VMP1: variants seen among roughly 807,000 people sequenced by gnomAD.
VMP1 encodes the protein vacuole membrane protein 1.
Under a neutral mutation model 56.0 loss-of-function variants are expected in VMP1, and 11 were observed. That is an observed-to-expected ratio of 0.20 (90% CI 0.12 to 0.32). The LOEUF is 0.32. VMP1 is among the 10% of genes least tolerant of loss of function. The pLI is 1.00. For missense variants in VMP1, 296 were observed against 490.3 expected, an observed-to-expected ratio of 0.60 and a Z score of 3.74; for synonymous variants, 149 against 165.0, an observed-to-expected ratio of 0.90 and a Z score of 0.74.
At chr17:59,732,740 C>A (rs2034879339) in intron 2 of VMP1, among the ~76,000 whole-genome samples, 1 of 152,170 alleles carries the variant, frequency 6.6e-6, no homozygotes, top group Non-Finnish European at 1.5e-5. Flanking sequence ...TTTTAGAGAG[C>A]ACATACATTT....
intron 7 of VMP1, among the ~76,000 whole-genome samples, chr17:59,801,460 C>T (rs2037661297): frequency 6.6e-6 from 1 of 151,754 alleles, no homozygotes. Flanking sequence ...CCTTATGTTA[C>T]CCAGGCTGCT....
At chr17:59,735,205 A>G in intron 2 of VMP1, 133 bp from the exon 3 acceptor site, 1 of 1,245,902 alleles carries the variant, frequency 8.0e-7, no homozygotes, top group Admixed American at 2.8e-5. Flanking sequence ...ACTAGTTGCC[A>G]TTTTTCACAA....
chr17:59,750,554 G>A (rs1469646680), intron 5 of VMP1, among the ~76,000 whole-genome samples: 1 of 151,876 alleles, frequency 6.6e-6, no homozygotes, highest in Non-Finnish European at 1.5e-5. Context: ...CACCCACCTC[G>A]GCCTCCCAAA....
intron 9 of VMP1, among the ~76,000 whole-genome samples, chr17:59,813,344 G>A (rs559550624): frequency 1.7e-4 from 26 of 152,226 alleles, no homozygotes; most frequent in South Asian, 2.1e-4. Flanking sequence ...TTGGGAGGCC[G>A]AGGCGGGTGG....
intron 5 of VMP1, among the ~76,000 whole-genome samples, chr17:59,748,539 A>G (rs1385677896): frequency 2.0e-5 from 3 of 152,194 alleles, no homozygotes; most frequent in South Asian, 2.1e-4. Context: ...GGGAGTGATA[A>G]TAATAGTACC....
At chr17:59,714,696 C>G (rs921695651) in intron 1 of VMP1, among the ~76,000 whole-genome samples, 4 of 152,066 alleles carry the variant, frequency 2.6e-5, no homozygotes, top group Admixed American at 2.0e-4. Flanking sequence ...GCCAGGATCT[C>G]TGTCACCCAG....
At chr17:59,830,849 G>A (rs924771342) in intron 10 of VMP1, among the ~76,000 whole-genome samples, 1 of 152,154 alleles carries the variant, frequency 6.6e-6, no homozygotes, top group Non-Finnish European at 1.5e-5. Context: ...TAAGAAACAG[G>A]TTCTCCCTCT....
intron 5 of VMP1, among the ~76,000 whole-genome samples, chr17:59,740,092 AAAAG>A (rs1375175679): frequency 1.3e-5 from 2 of 152,038 alleles, no homozygotes; most frequent in East Asian, 1.9e-4. Flanking sequence ...AAAAAAAAGA[AAAAG>A]AAAAAGAAAT....
intron 7 of VMP1, among the ~76,000 whole-genome samples, chr17:59,787,769 C>T (rs758160366): frequency 2.0e-5 from 3 of 151,958 alleles, no homozygotes; most frequent in Non-Finnish European, 4.4e-5. Context: ...TGCAGTGAGC[C>T]GAGATCGTGC....
rs541424377 is a variant in VMP1 at position 59,770,684 on chromosome 17, A to G, written c.583-3070A>G. ...CTGCAACCTCCTCTCGTATTCCCAC[A>G]ATTCTCCTGCCTCAGCCTCCCGAGT... On this transcript the variant is annotated intron_variant, in intron 6 of 11. Transcript: ENST00000262291. Among the ~76,000 whole-genome samples the G allele has an allele frequency of 1.9e-3, 284 of 151,466 alleles. 1 individual carries two copies. The highest frequency in any genetic ancestry group is 6.6e-3 in the African/African-American group (270 of 41,214).
intron 3 of VMP1, among the ~76,000 whole-genome samples, chr17:59,737,113 T>C (rs2035045595): frequency 6.6e-6 from 1 of 152,132 alleles, no homozygotes. Flanking sequence ...TGGCTGAAAG[T>C]GCAACATGAA....
At chr17:59,791,020 T>A (rs1310017017) in intron 7 of VMP1, among the ~76,000 whole-genome samples, 2 of 152,172 alleles carry the variant, frequency 1.3e-5, no homozygotes, top group Non-Finnish European at 2.9e-5. Flanking sequence ...TCTCCTAGCA[T>A]GAAATCATAA....
Position 59,841,191 on chromosome 17 carries a change from G to T in VMP1, c.*1280G>T. On this transcript the variant is annotated 3_prime_UTR_variant, in exon 12 of 12. Transcript: ENST00000262291. ...GTTTTTTTGGTTTGTTTTTGTTTTT[G>T]TTTTTTTATCAAATCCTGCCTGACT... 1 of 413,444 alleles carries T rather than the reference G, an allele frequency of 2.4e-6. No individual in the cohort carries two copies. Among genetic ancestry groups the T allele is most frequent in the Non-Finnish European group, 5.4e-6 (1 of 186,864 alleles). The allele number at this position is 413,444 out of a possible 1,614,324, so 25.6% of individuals were successfully genotyped here.
chr17:59,820,500 C>A (rs1429751732), intron 10 of VMP1, among the ~76,000 whole-genome samples: 1 of 152,208 alleles, frequency 6.6e-6, no homozygotes, highest in Non-Finnish European at 1.5e-5. Flanking sequence ...CATTGAGAAT[C>A]ACTGGCCTAA....
intron 6 of VMP1, among the ~76,000 whole-genome samples, chr17:59,768,259 T>G (rs1320535642): frequency 1.3e-5 from 2 of 152,194 alleles, no homozygotes. Context: ...CTAAGTTATG[T>G]TTAAATTTGT....
At chr17:59,766,346 A>G (rs566898878) in intron 6 of VMP1, among the ~76,000 whole-genome samples, 2 of 152,286 alleles carry the variant, frequency 1.3e-5, no homozygotes, top group Admixed American at 1.3e-4. Flanking sequence ...TCTACTAAAA[A>G]TACACAGATT....
At chr17:59,776,043 T>C (rs1014669142) in intron 7 of VMP1, among the ~76,000 whole-genome samples, 1 of 151,914 alleles carries the variant, frequency 6.6e-6, no homozygotes, top group Non-Finnish European at 1.5e-5. Flanking sequence ...CAAGATCTCA[T>C]CTCTACAAAA....
chr17:59,801,091 A>AAT (rs66523131), intron 7 of VMP1, among the ~76,000 whole-genome samples: 1,674 of 109,084 alleles, frequency 0.015, 46 homozygotes, highest in Non-Finnish European at 0.019. Flanking sequence ...AAAAAAAAAA[A>AAT]ATATATATAT....
At chr17:59,723,412 G>A (rs1465119301) in intron 1 of VMP1, among the ~76,000 whole-genome samples, 2 of 152,152 alleles carry the variant, frequency 1.3e-5, no homozygotes, top group Non-Finnish European at 2.9e-5. Flanking sequence ...GAAATAGGAG[G>A]AAAAATGAAA....
Sources: gnomAD v4.1 joint callset for allele counts (sites outside exome capture counted in the v4.1 genomes callset) on GRCh38, gnomAD v4.1.1 for gene constraint, MANE v1.5 for transcripts, NCBI Gene and HGNC (gene_info 2026-07-23, HGNC 2026-07-21) for gene names.